BID: variants seen among roughly 807,000 people sequenced by gnomAD.
BID encodes BH3 interacting domain death agonist.
In BID, 19 loss-of-function variants were observed where a neutral mutation model predicts 17.4. The observed-to-expected ratio is 1.09, with a 90% CI of 0.76 to 1.60. BID has a LOEUF of 1.60. Ranked by LOEUF, BID falls within the 40% of genes most tolerant of loss-of-function variation. BID has a pLI of 0.00. For missense variants in BID, 226 were observed against 256.0 expected, an observed-to-expected ratio of 0.88 and a Z score of 0.80; for synonymous variants, 108 against 102.8, an observed-to-expected ratio of 1.05 and a Z score of -0.31.
At chr22:17,774,042 CCCCCTCCCCGCGCCCCGCA>C (rs1430166389) in intron 1 of BID, 11 of 370,772 alleles carry the variant, frequency 3.0e-5, no homozygotes, top group Admixed American at 2.3e-4. Flanking sequence ...CTCGGCCCCT[CCCCCTCCCCGCGCCCCGCA>C]CCCCTCCCCT....
chr22:17,763,904 TAAAAAA>T (rs3838142), intron 1 of BID, among the ~76,000 whole-genome samples: 8,574 of 146,030 alleles, frequency 0.059, 354 homozygotes, highest in African/African-American at 0.13. Flanking sequence ...ACTTATAATT[TAAAAAA>T]AAAAAAAATC....
At chr22:17,742,544 AAGAC>A (rs1001003224) in intron 3 of BID, among the ~76,000 whole-genome samples, 1 of 122,728 alleles carries the variant, frequency 8.1e-6, no homozygotes, top group African/African-American at 3.1e-5. Flanking sequence ...CACCTGATCT[AAGAC>A]AGGCGGGAGG....
rs530532950 is a variant in BID, at chr22:17,767,575, A to G, written c.-59+6806T>C. On this transcript the variant is annotated intron_variant, in intron 1 of 5. Transcript: ENST00000622694. Reference sequence around the variant, plus strand: ...AAGAGGCTAAGGACACAGAGAACGAAGTCTGATCATCCAGATTCTCCGTAT... The same window carrying G: ...AAGAGGCTAAGGACACAGAGAACGAGGTCTGATCATCCAGATTCTCCGTAT... 2.0e-5 allele frequency among the ~76,000 whole-genome samples: 3 copies of G among 152,352 alleles called. No homozygotes were observed. In the East Asian group the frequency reaches 5.8e-4, roughly 29 times the overall value.
At chr22:17,747,185 G>A (rs879831580) in intron 2 of BID, among the ~76,000 whole-genome samples, 2 of 152,222 alleles carry the variant, frequency 1.3e-5, no homozygotes, top group Non-Finnish European at 2.9e-5. Flanking sequence ...ACAGGCTCCT[G>A]TCTGGACCAG....
chr22:17,757,625 A>T (rs188656264), intron 1 of BID, among the ~76,000 whole-genome samples: 7 of 148,010 alleles, frequency 4.7e-5, no homozygotes, highest in Admixed American at 1.4e-4. Context: ...AGGAGAATGG[A>T]GTGAACCCGG....
chr22:17,748,121 A>C (rs1405174252), intron 2 of BID, among the ~76,000 whole-genome samples: 2 of 149,940 alleles, frequency 1.3e-5, no homozygotes, highest in African/African-American at 5.0e-5. Context: ...AGGCAGGAGA[A>C]TGGCATGAAC....
At chr22:17,735,656 T>G (rs73148856) in intron 5 of BID, 65 bp from the exon 6 acceptor site, 25,606 of 1,599,060 alleles carry the variant, frequency 0.016, 243 homozygotes, top group Non-Finnish European at 0.019. Flanking sequence ...GCTCCAGAGC[T>G]CTGTGCCACA....
At chr22:17,750,281 G>A (rs1398735506) in intron 1 of BID, 107 bp from the exon 2 acceptor site, 12 of 967,858 alleles carry the variant, frequency 1.2e-5, no homozygotes, top group African/African-American at 1.1e-4. Context: ...CGGCTGAGCC[G>A]AGGTCCTGGC....
rs1171859606 is a variant in BID at position 17,738,001 on chromosome 22, CCT to C, written c.576+14_576+15del. On this transcript the variant is annotated intron_variant, in intron 5 of 5. Transcript: ENST00000622694. ...GGGCGGCAGGCAGGGAAGGAGCTGACCTCAAGGGTTCTTACATTTCTGGCTAA... is the reference window on the plus strand; with the variant it reads ...GGGCGGCAGGCAGGGAAGGAGCTGACCAAGGGTTCTTACATTTCTGGCTAA... 6.2e-7 allele frequency: 1 copy of C among 1,613,312 alleles called. No individual in the cohort carries two copies.
intron 1 of BID, among the ~76,000 whole-genome samples, chr22:17,768,848 G>C (rs1429660365): frequency 6.7e-6 from 1 of 148,586 alleles, no homozygotes; most frequent in African/African-American, 2.5e-5. Flanking sequence ...ACTCTAGCCT[G>C]GGCGACAGAG....
chr22:17,762,608 T>C (rs2061648163), intron 1 of BID, among the ~76,000 whole-genome samples: 2 of 152,064 alleles, frequency 1.3e-5, no homozygotes, highest in Non-Finnish European at 2.9e-5. Context: ...TAGAGTGCAG[T>C]AGCACGATCA....
At chr22:17,737,535 G>A (rs933395529) in intron 5 of BID, among the ~76,000 whole-genome samples, 4 of 152,050 alleles carry the variant, frequency 2.6e-5, no homozygotes, top group Non-Finnish European at 5.9e-5. Flanking sequence ...TAGTAGAGAC[G>A]GGCTTTCACC....
chr22:17,773,542 C>G lies in BID; in HGVS notation c.-59+839G>C. On this transcript the variant is annotated intron_variant, in intron 1 of 5. Coordinates refer to ENST00000622694, the MANE Select transcript of BID (RefSeq NM_001196.4). This position sits in a 1 kb window ranked among gnomAD's most constrained non-coding sequence, Gnocchi z 4.4. Reference sequence around the variant, plus strand: ...CTGGGTGGGTCCATCTGCTCCTCACCTGCCCCAACCCTGCCTGCAGGTGAA... The same window carrying G: ...CTGGGTGGGTCCATCTGCTCCTCACGTGCCCCAACCCTGCCTGCAGGTGAA... The G allele has an allele frequency of 6.4e-7, 1 of 1,561,842 alleles. No homozygotes were observed. Among genetic ancestry groups the G allele is most frequent in the South Asian group, 1.1e-5 (1 of 89,132 alleles).
At chr22:17,738,342 C>A in intron 4 of BID, 113 bp from the exon 5 acceptor site, 1 of 998,044 alleles carries the variant, frequency 1.0e-6, no homozygotes, top group South Asian at 1.6e-5. Context: ...TCCAGGGCTG[C>A]TGGGCGGAAA....
chr22:17,750,348 T>G (rs1469520332), intron 1 of BID, among the ~76,000 whole-genome samples, 174 bp from the exon 2 acceptor site: 1 of 152,218 alleles, frequency 6.6e-6, no homozygotes, highest in African/African-American at 2.4e-5. Flanking sequence ...TTTGTTTTCC[T>G]CATTCCAGAT....
chr22:17,750,491 G>A (rs2061529816), intron 1 of BID, among the ~76,000 whole-genome samples: 1 of 152,204 alleles, frequency 6.6e-6, no homozygotes, highest in Non-Finnish European at 1.5e-5. Context: ...ATCATAAAAT[G>A]TAAAATGTTT....
chr22:17,764,758 G>C (rs753853069), intron 1 of BID, among the ~76,000 whole-genome samples: 3 of 152,176 alleles, frequency 2.0e-5, no homozygotes, highest in Non-Finnish European at 2.9e-5. Context: ...GGTAAGCAAT[G>C]ACATAAATCA....
intron 3 of BID, among the ~76,000 whole-genome samples, chr22:17,743,304 C>G (rs1230843990): frequency 6.6e-6 from 1 of 152,232 alleles, no homozygotes; most frequent in Non-Finnish European, 1.5e-5. Context: ...ACCGGTAGTG[C>G]CACCTGGGGG....
Position 17,743,987 on chromosome 22 carries a change from A to G in BID, c.39T>C (p.Asp13=). Residue 13 remains aspartate, a synonymous_variant, in exon 3 of 6, where the codon GAT becomes GAC. Coordinates refer to ENST00000622694, the MANE Select transcript of BID (RefSeq NM_001196.4). ...ACACCAGTAGGTTTGTGATGCACTC[A>G]TCCCTGAGGCTGGAACCGTTGTTGA... ...CEVNNGSSLR[D]ECITNLLVFG... 6.2e-7 allele frequency: 1 copy of G among 1,614,058 alleles called. No homozygotes were observed. Among genetic ancestry groups the G allele is most frequent in the Non-Finnish European group, 8.5e-7 (1 of 1,180,022 alleles).
Sources: allele counts gnomAD v4.1 joint callset (sites outside exome capture counted in the v4.1 genomes callset), GRCh38; gene constraint gnomAD v4.1.1; non-coding constraint Gnocchi (gnomAD v3.1); transcripts MANE v1.5; gene names NCBI Gene and HGNC (gene_info 2026-07-23, HGNC 2026-07-21).